The following ITGA3 variants were observed in gnomAD, a reference collection of about 807,000 sequenced individuals.
ITGA3 encodes integrin alpha-3.
A neutral mutation model predicts 131.1 loss-of-function variants in ITGA3; 70 were observed. The observed-to-expected ratio is 0.53, with a 90% CI of 0.44 to 0.65. The LOEUF is 0.65. ITGA3 is among the 30% of genes least tolerant of loss of function. ITGA3 has a pLI of 0.00. For missense variants in ITGA3, 1,098 were observed against 1,388.6 expected (o/e 0.79, Z 3.33); for synonymous variants, 537 against 571.6 (o/e 0.94, Z 0.86).
At position 50,089,356 on chromosome 17, in the gene ITGA3, C is replaced by G; in HGVS notation, c.*278C>G. 1 of 1,135,300 alleles carries G rather than the reference C, an allele frequency of 8.8e-7. No individual in the cohort carries two copies. Among genetic ancestry groups the G allele is most frequent in the South Asian group, 1.4e-5 (1 of 72,050 alleles). The allele number at this position is 1,135,300 out of a possible 1,614,324, so 70.3% of individuals were successfully genotyped here. On this transcript the variant is annotated 3_prime_UTR_variant, in exon 26 of 26. Coordinates refer to ENST00000320031, the MANE Select transcript of ITGA3 (RefSeq NM_002204.4). ...GCCTCTGACAGTCCACAGGGGCCACCACCTTTGGCTGGTAGCAGCAGGCTC... is the reference window on the plus strand; with the variant it reads ...GCCTCTGACAGTCCACAGGGGCCACGACCTTTGGCTGGTAGCAGCAGGCTC...
At chr17:50,087,022 A>G (rs962261816) in intron 23 of ITGA3, 1 of 152,318 alleles carries the variant, frequency 6.6e-6, no homozygotes, top group Admixed American at 6.5e-5. Flanking sequence ...ATTGCACTCC[A>G]GCCTGGGCAA....
intron 1 of ITGA3, among the ~76,000 whole-genome samples, chr17:50,057,952 C>T (rs1178237898): frequency 2.6e-5 from 4 of 152,264 alleles, no homozygotes; most frequent in African/African-American, 4.8e-5. Flanking sequence ...CAGCAGCTGC[C>T]ACCTGGCCTT....
chr17:50,088,417 T>C, intron 25 of ITGA3, 51 bp downstream of exon 25: 1 of 940,300 alleles, frequency 1.1e-6, no homozygotes, highest in Non-Finnish European at 1.7e-6. Flanking sequence ...TGGCCGGGCC[T>C]CTGACTCTGT....
At chr17:50,083,111 G>C (rs1909253942) in intron 23 of ITGA3, among the ~76,000 whole-genome samples, 1 of 152,170 alleles carries the variant, frequency 6.6e-6, no homozygotes, top group Non-Finnish European at 1.5e-5. Flanking sequence ...AGAAAGATCA[G>C]TGGAACAAAA....
At chr17:50,062,196 C>G (rs1324966083) in intron 1 of ITGA3, among the ~76,000 whole-genome samples, 1 of 152,134 alleles carries the variant, frequency 6.6e-6, no homozygotes, top group Non-Finnish European at 1.5e-5. Context: ...GTAGAATAGA[C>G]CTATTTGTTC....
At chr17:50,058,063 A>T (rs1046370323) in intron 1 of ITGA3, among the ~76,000 whole-genome samples, 1 of 152,256 alleles carries the variant, frequency 6.6e-6, no homozygotes, top group Non-Finnish European at 1.5e-5. Context: ...CAGACTTTCA[A>T]TGCCAAATCT....
At chr17:50,070,036 C>G (rs1666185104) in intron 4 of ITGA3, among the ~76,000 whole-genome samples, 1 of 152,220 alleles carries the variant, frequency 6.6e-6, no homozygotes, top group African/African-American at 2.4e-5. Context: ...GCCCCCTCTT[C>G]TGGTCCTGCC....
intron 22 of ITGA3, 67 bp downstream of exon 22, chr17:50,080,442 C>T (rs1258340601): frequency 8.2e-6 from 7 of 852,532 alleles, no homozygotes; most frequent in East Asian, 2.7e-5. Flanking sequence ...AGGGAGAGGG[C>T]GAGTCCAGGG....
chr17:50,060,468 G>C (rs889297314), intron 1 of ITGA3, among the ~76,000 whole-genome samples: 1 of 152,208 alleles, frequency 6.6e-6, no homozygotes, highest in African/African-American at 2.4e-5. Context: ...CTCCTTGGCT[G>C]TTCCATTAGC....
chr17:50,071,591 G>C, intron 6 of ITGA3, 73 bp downstream of exon 6: 1 of 1,341,102 alleles, frequency 7.5e-7, no homozygotes, highest in Non-Finnish European at 1.0e-6. Context: ...AGCCAGGTGA[G>C]GGGAGTGGAG....
Position 50,066,593 on chromosome 17 carries a change from G to A in ITGA3, c.415-1463G>A, listed in dbSNP as rs141581236. 2.6e-3 allele frequency among the ~76,000 whole-genome samples: 389 copies of A among 152,098 alleles called. 5 individuals carry two copies. The highest frequency in any genetic ancestry group is 9.1e-3 in the African/African-American group (378 of 41,468). ...AGTTTGTGATCAACCTGGGCAACAC[G>A]GCAAAATTCCATCTCTACCAAAAAT... On this transcript the variant is annotated intron_variant, in intron 3 of 25. Transcript: ENST00000320031.
chr17:50,065,334 C>A (rs994278704), intron 3 of ITGA3: 3 of 152,172 alleles, frequency 2.0e-5, no homozygotes, highest in African/African-American at 7.2e-5. Context: ...TTCGTAGTGC[C>A]AAGATGAATG....
At chr17:50,078,461 T>C (rs533738344) in intron 18 of ITGA3, among the ~76,000 whole-genome samples, 177 bp downstream of exon 18, 1 of 152,280 alleles carries the variant, frequency 6.6e-6, no homozygotes, top group Non-Finnish European at 1.5e-5. Flanking sequence ...TTACCGTTAC[T>C]ATTCCCCCTG....
chr17:50,083,837 A>G (rs1321176957), intron 23 of ITGA3, among the ~76,000 whole-genome samples: 1 of 152,160 alleles, frequency 6.6e-6, no homozygotes, highest in South Asian at 2.1e-4. Context: ...AAGGATATCA[A>G]TTGGCAGCGT....
intron 1 of ITGA3, among the ~76,000 whole-genome samples, chr17:50,062,969 G>T (rs1164241815): frequency 1.3e-5 from 2 of 152,220 alleles, no homozygotes; most frequent in African/African-American, 4.8e-5. Context: ...CTAAAACTGA[G>T]TTCTCAAACT....
rs1567702623 is a variant in ITGA3 at position 50,078,304 on chromosome 17, A to C, written c.2297+20A>C. The C allele has an allele frequency of 1.3e-6, 2 of 1,596,546 alleles. No individual in the cohort carries two copies. Among genetic ancestry groups the C allele is most frequent in the East Asian group, 2.2e-5 (1 of 44,676 alleles). Reference sequence around the variant, plus strand: ...TAGCATGTGGGTACCGCTCTCCACCACCCCCACCCCAGCCTGCTGTGCCTA... The same window carrying C: ...TAGCATGTGGGTACCGCTCTCCACCCCCCCCACCCCAGCCTGCTGTGCCTA... On this transcript the variant is annotated intron_variant, in intron 18 of 25. Transcript: ENST00000320031.
intron 1 of ITGA3, among the ~76,000 whole-genome samples, chr17:50,061,305 G>A (rs1178172712): frequency 6.6e-6 from 1 of 152,114 alleles, no homozygotes; most frequent in Admixed American, 6.5e-5. Flanking sequence ...TGATTGACAT[G>A]CGTGCCCAGC....
At chr17:50,087,925 C>A in intron 24 of ITGA3, 56 bp downstream of exon 24, 1 of 1,499,074 alleles carries the variant, frequency 6.7e-7, no homozygotes, top group Non-Finnish European at 9.0e-7. Flanking sequence ...CTCACCAGCC[C>A]TTCCTCCAAC....
intron 7 of ITGA3, among the ~76,000 whole-genome samples, chr17:50,072,647 A>G (rs1301746632): frequency 6.6e-6 from 1 of 152,022 alleles, no homozygotes; most frequent in Admixed American, 6.6e-5. Flanking sequence ...GCATCCAGAG[A>G]AAGTTTTAGG....
Sources: gnomAD v4.1 joint callset for allele counts (sites outside exome capture counted in the v4.1 genomes callset) on GRCh38, gnomAD v4.1.1 for gene constraint, MANE v1.5 for transcripts, NCBI Gene and HGNC (gene_info 2026-07-23, HGNC 2026-07-21) for gene names.